Variants in PCDHA4 observed in about 807,000 individuals in gnomAD.
The protein encoded by PCDHA4 is protocadherin alpha 4.
In PCDHA4, 49 loss-of-function variants were observed where a neutral mutation model predicts 61.4. The observed-to-expected ratio is 0.80, with a 90% CI of 0.63 to 1.01. PCDHA4 has a LOEUF of 1.01. Ranked by LOEUF, PCDHA4 falls within the 50% of genes least tolerant of loss-of-function variation. The pLI, the probability that PCDHA4 is intolerant of heterozygous loss-of-function variation, is 0.00. For missense variants in PCDHA4, 1,254 were observed against 1,235.8 expected, an observed-to-expected ratio of 1.01 and a Z score of -0.22; for synonymous variants, 590 against 550.3, an observed-to-expected ratio of 1.07 and a Z score of -1.01.
chr5:140,848,483 C>A, intron 1 of PCDHA4: 1 of 1,570,024 alleles, frequency 6.4e-7, no homozygotes, highest in Non-Finnish European at 8.7e-7. Context: ...TAGAAGAAGA[C>A]TGAGTATTTG....
At chr5:140,885,970 A>G (rs1554182306) in intron 1 of PCDHA4, among the ~76,000 whole-genome samples, 1 of 152,122 alleles carries the variant, frequency 6.6e-6, no homozygotes, top group Non-Finnish European at 1.5e-5. Flanking sequence ...TTTTGAGATA[A>G]TTATAGATTC....
intron 1 of PCDHA4, among the ~76,000 whole-genome samples, chr5:140,958,973 ATTAG>A (rs2095457294): frequency 1.3e-5 from 2 of 152,038 alleles, no homozygotes; most frequent in African/African-American, 2.4e-5. Flanking sequence ...CTATTTTATT[ATTAG>A]TTATTGTTGC....
rs1554144802 is a variant in PCDHA4, at chr5:140,850,697, T to G, written c.2385+41125T>G. ...TGCCCACCGAGGGCGAGTGCGCGCC[T>G]GGCAAGCCGACGCTGGTGTGTTCTA... On this transcript the variant is annotated intron_variant, in intron 1 of 3. Transcript: ENST00000530339. 18 of 1,596,928 alleles carry G rather than the reference T, an allele frequency of 1.1e-5. 1 individual carries two copies. The highest frequency in any genetic ancestry group is 3.4e-5 in the Admixed American group (2 of 59,142).
chr5:140,826,590 A>T (rs2150144335), intron 1 of PCDHA4, among the ~76,000 whole-genome samples: 2 of 152,128 alleles, frequency 1.3e-5, no homozygotes, highest in East Asian at 3.8e-4. Context: ...AATGGATAAC[A>T]TTAAGGTTAA....
At chr5:140,895,206 AT>A (rs2064913908) in intron 1 of PCDHA4, among the ~76,000 whole-genome samples, 1 of 151,808 alleles carries the variant, frequency 6.6e-6, no homozygotes, top group Non-Finnish European at 1.5e-5. Flanking sequence ...ATTTGCTTTT[AT>A]TTCTAATATT....
chr5:140,832,014 A>T (rs2150199112), intron 1 of PCDHA4, among the ~76,000 whole-genome samples: 4 of 152,220 alleles, frequency 2.6e-5, no homozygotes, highest in Non-Finnish European at 5.9e-5. Context: ...CATTTTACGT[A>T]AAGATTGAAT....
chr5:140,926,754 C>A, intron 1 of PCDHA4: 1 of 1,283,492 alleles, frequency 7.8e-7, no homozygotes. Context: ...TCGGCGGTCG[C>A]TGAGTATCCA....
At chr5:140,966,617 A>G (rs1169791623) in intron 1 of PCDHA4, 8 of 785,216 alleles carry the variant, frequency 1.0e-5, no homozygotes, top group African/African-American at 1.8e-5. Flanking sequence ...GGGCCTACGG[A>G]GGGAGCGGCC....
At chr5:140,835,466 G>A (rs1289666864) in intron 1 of PCDHA4, 6 of 1,613,784 alleles carry the variant, frequency 3.7e-6, no homozygotes, top group Non-Finnish European at 5.1e-6. Context: ...CTATTCCAGA[G>A]GACGCCCAAC....
chr5:140,996,705 CTT>C (rs1222604793), intron 3 of PCDHA4, among the ~76,000 whole-genome samples: 3 of 152,108 alleles, frequency 2.0e-5, no homozygotes, highest in African/African-American at 7.2e-5. Flanking sequence ...ACCTCTATCT[CTT>C]TGATTTAATT....
intron 1 of PCDHA4, among the ~76,000 whole-genome samples, chr5:140,950,271 T>C (rs1202365274): frequency 6.6e-6 from 1 of 152,058 alleles, no homozygotes; most frequent in Non-Finnish European, 1.5e-5. Flanking sequence ...ATCCATAATG[T>C]CTTTTTGCTT....
At chr5:140,877,091 C>G (rs782722834) in intron 1 of PCDHA4, 2 of 1,613,252 alleles carry the variant, frequency 1.2e-6, no homozygotes, top group African/African-American at 1.3e-5. Flanking sequence ...GCGCGCGACG[C>G]CGGCGTGCCG....
intron 2 of PCDHA4, among the ~76,000 whole-genome samples, chr5:140,981,701 C>A (rs546149642): frequency 5.3e-5 from 8 of 152,268 alleles, no homozygotes; most frequent in African/African-American, 1.9e-4. Context: ...TTCATTCATT[C>A]ATTCATTCAT....
intron 1 of PCDHA4, among the ~76,000 whole-genome samples, chr5:140,905,582 A>C (rs1281901890): frequency 1.3e-5 from 2 of 152,068 alleles, no homozygotes; most frequent in South Asian, 2.1e-4. Flanking sequence ...AATGATAATG[A>C]TATTTTGCTG....
chr5:141,009,258 C>A (rs1311772308), intron 3 of PCDHA4, among the ~76,000 whole-genome samples: 1 of 152,086 alleles, frequency 6.6e-6, no homozygotes, highest in Admixed American at 6.6e-5. Flanking sequence ...TGTTTGAGAC[C>A]AGCCTGGGCA....
At chr5:140,871,595 C>A in intron 1 of PCDHA4, 1 of 1,454,324 alleles carries the variant, frequency 6.9e-7, no homozygotes, top group South Asian at 1.5e-5. Context: ...TTATGAATAA[C>A]CAGTGTTTTG....
At chr5:140,844,253 T>C (rs1269876279) in intron 1 of PCDHA4, among the ~76,000 whole-genome samples, 1 of 149,786 alleles carries the variant, frequency 6.7e-6, no homozygotes, top group Admixed American at 6.7e-5. Context: ...TTTTAAGCAG[T>C]GTAGTGATAA....
chr5:140,902,010 G>A (rs187351122), intron 1 of PCDHA4, among the ~76,000 whole-genome samples: 56 of 152,092 alleles, frequency 3.7e-4, no homozygotes, highest in African/African-American at 1.3e-3. Context: ...TCACTGTTGG[G>A]ACATATAGAA....
intron 1 of PCDHA4, among the ~76,000 whole-genome samples, chr5:140,974,767 T>C (rs559758887): frequency 1.2e-4 from 18 of 152,098 alleles, no homozygotes; most frequent in Non-Finnish European, 2.4e-4. Flanking sequence ...GGATTACAGG[T>C]ATGAGCCACT....
Sources: gnomAD v4.1 joint callset for allele counts (sites outside exome capture counted in the v4.1 genomes callset) on GRCh38, gnomAD v4.1.1 for gene constraint, MANE v1.5 for transcripts, NCBI Gene and HGNC (gene_info 2026-07-23, HGNC 2026-07-21) for gene names.